Variants in FASTKD1 observed in about 807,000 individuals in gnomAD.
FASTKD1 encodes the protein FAST kinase domains 1.
A neutral mutation model predicts 90.9 loss-of-function variants in FASTKD1; 94 were observed. That is an observed-to-expected ratio of 1.03 (90% CI 0.88 to 1.23). The LOEUF is 1.23. FASTKD1 is among the 50% of genes most tolerant of loss of function. The pLI, the probability that FASTKD1 is intolerant of heterozygous loss-of-function variation, is 0.00. For synonymous variants in FASTKD1, 319 were observed against 345.8 expected (o/e 0.92, Z 0.86); for missense variants, 945 against 993.5 (o/e 0.95, Z 0.66).
chr2:169,555,992 T>C (rs1240905720), intron 6 of FASTKD1, among the ~76,000 whole-genome samples: 1 of 151,798 alleles, frequency 6.6e-6, no homozygotes, highest in Non-Finnish European at 1.5e-5. Flanking sequence ...CTGGGCAAAA[T>C]AGTAAGACCC....
chr2:169,567,028 T>G (rs537827709), intron 3 of FASTKD1, among the ~76,000 whole-genome samples: 11 of 151,660 alleles, frequency 7.3e-5, no homozygotes, highest in African/African-American at 2.2e-4. Context: ...GGCAGGACAA[T>G]CACTTGAACC....
intron 6 of FASTKD1, among the ~76,000 whole-genome samples, chr2:169,555,548 A>C (rs1683260512): frequency 6.6e-6 from 1 of 152,216 alleles, no homozygotes; most frequent in Non-Finnish European, 1.5e-5. Flanking sequence ...CACAGCATCA[A>C]CTTCCACATC....
chr2:169,562,355 C>A (rs1683741276), intron 4 of FASTKD1, among the ~76,000 whole-genome samples: 1 of 151,858 alleles, frequency 6.6e-6, no homozygotes, highest in Admixed American at 6.6e-5. Flanking sequence ...GCCTCAGCCT[C>A]CCGAGTAGCT....
chr2:169,554,645 C>G, intron 7 of FASTKD1, among the ~76,000 whole-genome samples: 1 of 149,644 alleles, frequency 6.7e-6, no homozygotes, highest in Non-Finnish European at 1.5e-5. Flanking sequence ...GCCTGGGCAA[C>G]AAAGTGAGAC....
intron 7 of FASTKD1, among the ~76,000 whole-genome samples, chr2:169,551,727 A>G (rs1559149011): frequency 6.6e-6 from 1 of 152,086 alleles, no homozygotes; most frequent in Admixed American, 6.6e-5. Context: ...AGGTCACTTG[A>G]GGTTGCAGTG....
At chr2:169,548,869 C>T (rs915497248) in intron 7 of FASTKD1, among the ~76,000 whole-genome samples, 14 of 151,754 alleles carry the variant, frequency 9.2e-5, no homozygotes, top group Admixed American at 5.3e-4. Flanking sequence ...CCAAGGCGGG[C>T]AGATCACGAG....
intron 2 of FASTKD1, among the ~76,000 whole-genome samples, chr2:169,570,389 T>C (rs1196766539): frequency 1.3e-5 from 2 of 152,140 alleles, no homozygotes; most frequent in Non-Finnish European, 2.9e-5. Flanking sequence ...GAATGTAATA[T>C]TTCTTAACAT....
At chr2:169,559,559 A>G (rs891936627) in intron 5 of FASTKD1, among the ~76,000 whole-genome samples, 2 of 152,186 alleles carry the variant, frequency 1.3e-5, no homozygotes, top group East Asian at 3.9e-4. Flanking sequence ...CTGGGAATCT[A>G]GGTGGGCACC....
intron 5 of FASTKD1, among the ~76,000 whole-genome samples, chr2:169,559,707 C>T (rs1014784971): frequency 5.9e-5 from 9 of 152,216 alleles, no homozygotes; most frequent in African/African-American, 9.7e-5. Context: ...CGTGCAACGC[C>T]GTGCCCAGCT....
At chr2:169,561,642 T>G (rs927031176) in intron 4 of FASTKD1, among the ~76,000 whole-genome samples, 1 of 150,332 alleles carries the variant, frequency 6.7e-6, no homozygotes, top group Admixed American at 6.6e-5. Flanking sequence ...CATAATTGTA[T>G]GTAAAATTTG....
chr2:169,548,593 G>A (rs980167487), intron 7 of FASTKD1, among the ~76,000 whole-genome samples: 6 of 151,488 alleles, frequency 4.0e-5, no homozygotes, highest in African/African-American at 1.5e-4. Context: ...TTAGCCGGGC[G>A]TGGTGGCACA....
chr2:169,550,093 C>T (rs1284113635), intron 7 of FASTKD1, among the ~76,000 whole-genome samples: 3 of 151,994 alleles, frequency 2.0e-5, no homozygotes, highest in African/African-American at 7.3e-5. Context: ...AACTCTTGGG[C>T]TCAAGTGATC....
intron 12 of FASTKD1, among the ~76,000 whole-genome samples, chr2:169,535,013 T>C (rs1684668550): frequency 6.6e-6 from 1 of 151,870 alleles, no homozygotes; most frequent in Non-Finnish European, 1.5e-5. Context: ...TTCATATTGT[T>C]CTGAAGAAAA....
Position 169,546,387 on chromosome 2 carries a change from G to A in FASTKD1, c.1532C>T (p.Thr511Met), listed in dbSNP as rs748804138. 2.6e-5 allele frequency: 42 copies of A among 1,613,452 alleles called. No homozygotes were observed. Among genetic ancestry groups the A allele is most frequent in the South Asian group, 3.3e-5 (3 of 91,078 alleles). ...TTCTTCAAGAAGTGACTCAGGAAAC[G>A]TGTTTCCTTTGAGAGATTTAAGTTC... ...RKELKSLKGN[T>M]FPESLLEEMI... Residue 511 changes from threonine to methionine, a missense_variant, in exon 8 of 15, where the codon ACG (threonine) becomes ATG (methionine). Thr to Met is a moderately conservative substitution (Grantham distance 81). Transcript: ENST00000453153.
intron 6 of FASTKD1, among the ~76,000 whole-genome samples, chr2:169,556,253 A>G (rs1180648451): frequency 6.6e-6 from 1 of 151,708 alleles, no homozygotes; most frequent in East Asian, 1.9e-4. Flanking sequence ...CCTGGGTAAC[A>G]TGGCAAAACA....
intron 3 of FASTKD1, among the ~76,000 whole-genome samples, chr2:169,563,810 C>A (rs969180844): frequency 6.6e-6 from 1 of 151,860 alleles, no homozygotes; most frequent in Non-Finnish European, 1.5e-5. Context: ...ATAGCAAAAC[C>A]CTGCAAAAAA....
At chr2:169,565,505 G>C (rs189463434) in intron 3 of FASTKD1, among the ~76,000 whole-genome samples, 1 of 151,630 alleles carries the variant, frequency 6.6e-6, no homozygotes, top group Non-Finnish European at 1.5e-5. Context: ...CTCATGATCC[G>C]CCCGCCTTGT....
intron 12 of FASTKD1, among the ~76,000 whole-genome samples, chr2:169,534,758 C>G (rs1684658607): frequency 6.6e-6 from 1 of 152,070 alleles, no homozygotes; most frequent in Admixed American, 6.5e-5. Context: ...TGCGCCCGGC[C>G]AAATTTCTGT....
intron 14 of FASTKD1, 70 bp downstream of exon 14, chr2:169,530,517 T>G (rs999967059): frequency 1.2e-6 from 1 of 828,498 alleles, no homozygotes; most frequent in Non-Finnish European, 1.9e-6. Flanking sequence ...ACTTTCACAT[T>G]AAAAGGAAGC....
Sources: gnomAD v4.1 joint callset for allele counts (sites outside exome capture counted in the v4.1 genomes callset) on GRCh38, gnomAD v4.1.1 for gene constraint, MANE v1.5 for transcripts, NCBI Gene and HGNC (gene_info 2026-07-23, HGNC 2026-07-21) for gene names.